The following ZNF462 variants were observed in gnomAD, a reference collection of about 807,000 sequenced individuals.
The protein encoded by ZNF462 is zinc finger PBX1-interacting protein.
Under a neutral mutation model 201.9 loss-of-function variants are expected in ZNF462, and 10 were observed. The observed-to-expected ratio is 0.05, with a 90% CI of 0.03 to 0.08. The LOEUF is 0.08. Among genes scored for constraint, ZNF462 ranks in the 10% least tolerant of loss-of-function variants. The pLI, the probability that ZNF462 is intolerant of heterozygous loss-of-function variation, is 1.00. For missense variants in ZNF462, 2,523 were observed against 3,168.3 expected (o/e 0.80, Z 4.89); for synonymous variants, 1,227 against 1,193.3 (o/e 1.03, Z -0.58).
Position 106,919,672 on chromosome 9 carries a change from CTAAAGGCAGTGACTAAT to C in ZNF462, c.-30-3679_-30-3663del, listed in dbSNP as rs1829911397. 6.6e-6 allele frequency among the ~76,000 whole-genome samples: 1 copy of C among 152,136 alleles called. No individual in the cohort carries two copies. Among genetic ancestry groups the C allele is most frequent in the Non-Finnish European group, 1.5e-5 (1 of 68,014 alleles). On this transcript the variant is annotated intron_variant, in intron 1 of 12. Coordinates refer to ENST00000277225, the MANE Select transcript of ZNF462 (RefSeq NM_021224.6). The surrounding 1 kb of genome is among the most constrained non-coding windows in gnomAD (Gnocchi z 4.5). ...ACAAACCAGCAACGAATAAGTAGTA[CTAAAGGCAGTGACTAAT>C]TAGGATGGTTTAGGGGTTTCATGTT...
chr9:106,882,600 A>G (rs1828148288), intron 1 of ZNF462, among the ~76,000 whole-genome samples: 1 of 152,252 alleles, frequency 6.6e-6, no homozygotes, highest in Admixed American at 6.5e-5. Flanking sequence ...CTTTTGAAAG[A>G]TACTAATGTG....
In ZNF462 at chr9:106,970,523, C is replaced by T. The variant is rs1423307504; in HGVS notation, c.6428-1482C>T. On this transcript the variant is annotated intron_variant, in intron 7 of 12. Coordinates refer to ENST00000277225, the MANE Select transcript of ZNF462 (RefSeq NM_021224.6). This position sits in a 1 kb window ranked among gnomAD's most constrained non-coding sequence, Gnocchi z 4.2. ...CCATGTCCTGCCTTAGGGAATTATG[C>T]TTTGGAAAATTAAGTGTCCATCAAA... 1.3e-5 allele frequency among the ~76,000 whole-genome samples: 2 copies of T among 152,278 alleles called. No individual in the cohort carries two copies. Among genetic ancestry groups the T allele is most frequent in the African/African-American group, 2.4e-5 (1 of 41,566 alleles).
intron 1 of ZNF462, 62 bp downstream of exon 1, chr9:106,863,417 G>C (rs142493356): frequency 2.3e-5 from 9 of 390,942 alleles, no homozygotes; most frequent in Non-Finnish European, 3.2e-5. Context: ...AAGAGAGCGC[G>C]GGGTGGTGGA....
At position 106,974,538 on chromosome 9, in the gene ZNF462, T is replaced by C. The variant is rs1198400974; in HGVS notation, c.6832+265T>C. On this transcript the variant is annotated intron_variant, in intron 9 of 12. Coordinates refer to ENST00000277225, the MANE Select transcript of ZNF462 (RefSeq NM_021224.6). This position sits in a 1 kb window ranked among gnomAD's most constrained non-coding sequence, Gnocchi z 4.0. ...CGTAGGGCTTCCCAGCATGGGGGAT[T>C]TGTACATTCTGACAATTCTGCCACC... is the stretch of plus-strand genomic sequence containing the variant. 3.9e-6 allele frequency: 2 copies of C among 514,158 alleles called. No homozygotes were observed. The highest frequency in any genetic ancestry group is 7.1e-6 in the Non-Finnish European group (2 of 282,578). 31.8% of individuals were successfully genotyped at this position (514,158 alleles called of 1,614,324 possible).
chr9:106,962,051 T>G lies in ZNF462; in HGVS notation c.6428-9954T>G, dbSNP rs1052198210. Among the ~76,000 whole-genome samples, 1 of 151,990 alleles carries G rather than the reference T, an allele frequency of 6.6e-6. No individual in the cohort carries two copies. Among genetic ancestry groups the G allele is most frequent in the African/African-American group, 2.4e-5 (1 of 41,396 alleles). ...TGAAGGAGAGTGTGAGCCCCATGGT[T>G]CAGAGTTTGGGCTTTTTTCTGTAAG... On this transcript the variant is annotated intron_variant, in intron 7 of 12. Transcript: ENST00000277225. This position sits in a 1 kb window ranked among gnomAD's most constrained non-coding sequence, Gnocchi z 4.6.
Position 106,925,627 on chromosome 9 carries a change from A to T in ZNF462, c.1715A>T (p.His572Leu), listed in dbSNP as rs1332011343. The T allele has an allele frequency of 6.2e-7, 1 of 1,613,358 alleles. No individual in the cohort carries two copies. Among genetic ancestry groups the T allele is most frequent in the South Asian group, 1.1e-5 (1 of 91,016 alleles). The change falls in exon 3 of 13, where the codon CAT (histidine) becomes CTT (leucine). Residue 572 changes from histidine (H) to leucine (L), a missense_variant. By Grantham distance (99) the His-to-Leu change is moderately conservative. Around this residue, in one of 15 missense-constraint regions of ZNF462, gnomAD observed 383 missense variants for 453.4 expected, o/e 0.84. Transcript: ENST00000277225. The surrounding 1 kb of genome is among the most constrained non-coding windows in gnomAD (Gnocchi z 7.9). ...CAGCCACCACAGCTGCAGCCACCACATCAGGTGCCACCCCAGCCACAAACA... is the reference window on the plus strand; with the variant it reads ...CAGCCACCACAGCTGCAGCCACCACTTCAGGTGCCACCCCAGCCACAAACA... Reference protein sequence around the residue: ...QPQPPQLQPPHQVPPQPQTQP... With the variant: ...QPQPPQLQPPLQVPPQPQTQP...
rs1387501380 is a variant in ZNF462 at position 106,933,950 on chromosome 9, C to T, written c.6116+1401C>T. 1.3e-5 allele frequency among the ~76,000 whole-genome samples: 2 copies of T among 151,992 alleles called. No homozygotes were observed. The highest frequency in any genetic ancestry group is 1.3e-4 in the Admixed American group (2 of 15,262). ...GTAAAGGAATAGTGAAAGATAAGGT[C>T]TAAATACTTTAAAGGAGACCATATT... On this transcript the variant is annotated intron_variant, in intron 5 of 12. Transcript: ENST00000277225. This position sits in a 1 kb window ranked among gnomAD's most constrained non-coding sequence, Gnocchi z 4.3.
At chr9:106,915,082 C>G (rs967344453) in intron 1 of ZNF462, among the ~76,000 whole-genome samples, 1 of 151,986 alleles carries the variant, frequency 6.6e-6, no homozygotes, top group African/African-American at 2.4e-5. Context: ...AAAGTAAGGG[C>G]CTCAAAAGAC....
chr9:106,862,395 G>T (rs1003686980), upstream of ZNF462, among the ~76,000 whole-genome samples: 1 of 152,080 alleles, frequency 6.6e-6, no homozygotes, highest in Non-Finnish European at 1.5e-5. This position sits in a 1 kb window ranked among gnomAD's most constrained non-coding sequence, Gnocchi z 4.2. Flanking sequence ...GGTCCTCACC[G>T]GGGGCTTCCT....
chr9:106,925,290 A>G lies in ZNF462; in HGVS notation c.1378A>G (p.Asn460Asp). The change falls in exon 3 of 13, where the codon AAC becomes GAC. Residue 460 changes from asparagine (N) to aspartate (D), a missense_variant. By Grantham distance (23) the Asn-to-Asp change is conservative (BLOSUM62 1). Transcript: ENST00000277225. The surrounding 1 kb of genome is among the most constrained non-coding windows in gnomAD (Gnocchi z 7.9). ...ACGTAGCATCTCTCGTCACATAGAAAACATCCACTTATCTGGAAAGACAGC... is the reference window on the plus strand; with the variant it reads ...ACGTAGCATCTCTCGTCACATAGAAGACATCCACTTATCTGGAAAGACAGC... The part of the protein sequence containing the change: ...HRRSISRHIE[N>D]IHLSGKTAVY... 1 of 1,614,140 alleles carries G rather than the reference A, an allele frequency of 6.2e-7. No homozygotes were observed. The highest frequency in any genetic ancestry group is 8.5e-7 in the Non-Finnish European group (1 of 1,180,022).
Position 106,932,639 on chromosome 9 carries a change from G to A in ZNF462, c.6116+90G>A, listed in dbSNP as rs971722752. ...CTAAAGCAGAAGCTTGGATGAGTAA[G>A]AAGGCCCCACTCATGGTTCACACCT... On this transcript the variant is annotated intron_variant, in intron 5 of 12. Transcript: ENST00000277225. This position sits in a 1 kb window ranked among gnomAD's most constrained non-coding sequence, Gnocchi z 6.8. 3.9e-6 allele frequency: 6 copies of A among 1,542,150 alleles called. No homozygotes were observed. The highest frequency in any genetic ancestry group is 1.8e-5 in the Admixed American group (1 of 55,292).
Position 107,013,014 on chromosome 9 carries a change from A to G in ZNF462, c.*1984A>G, listed in dbSNP as rs1830010967. On this transcript the variant is annotated 3_prime_UTR_variant, in exon 13 of 13. Transcript: ENST00000277225. Reference sequence around the variant, plus strand: ...CCAGACAAAGATTCATTTTGTGTCTATATTTGTTTTTAATTGGCCTCATTT... The same window carrying G: ...CCAGACAAAGATTCATTTTGTGTCTGTATTTGTTTTTAATTGGCCTCATTT... The G allele has an allele frequency of 6.6e-6, 1 of 151,998 alleles. No individual in the cohort carries two copies. The highest frequency in any genetic ancestry group is 1.5e-5 in the Non-Finnish European group (1 of 67,998). The allele number at this position is 151,998 out of a possible 1,614,324, so 9.4% of individuals were successfully genotyped here. A position where few individuals can be genotyped will look rare whatever the true frequency, so the allele number is the denominator to read the frequency against.
At position 106,974,392 on chromosome 9, in the gene ZNF462, C is replaced by T. The variant is rs758902640; in HGVS notation, c.6832+119C>T. On this transcript the variant is annotated intron_variant, in intron 9 of 12. Transcript: ENST00000277225. The surrounding 1 kb of genome is among the most constrained non-coding windows in gnomAD (Gnocchi z 4.0). ...TGTGCCTTGTTCCTCACCTTATCTTCAGGCAAGAAACCACAGTGATAACCA... is the reference window on the plus strand; with the variant it reads ...TGTGCCTTGTTCCTCACCTTATCTTTAGGCAAGAAACCACAGTGATAACCA... The T allele has an allele frequency of 8.1e-6, 12 of 1,482,870 alleles. No homozygotes were observed. Among genetic ancestry groups the T allele is most frequent in the Non-Finnish European group, 1.9e-6 (2 of 1,062,322 alleles). 91.9% of individuals were successfully genotyped at this position (1,482,870 alleles called of 1,614,324 possible).
intron 7 of ZNF462, among the ~76,000 whole-genome samples, chr9:106,944,988 A>G (rs1405812095): frequency 6.6e-6 from 1 of 152,170 alleles, no homozygotes; most frequent in African/African-American, 2.4e-5. Context: ...ATAAAACTTT[A>G]TGTACAAAAA....
intron 1 of ZNF462, among the ~76,000 whole-genome samples, chr9:106,881,220 G>A (rs113596112): frequency 1.6e-4 from 24 of 152,298 alleles, no homozygotes; most frequent in African/African-American, 5.8e-4. Flanking sequence ...CACTAGGCTT[G>A]GAGATTATTA....
chr9:106,918,758 A>G (rs570920917), intron 1 of ZNF462, among the ~76,000 whole-genome samples: 2 of 152,308 alleles, frequency 1.3e-5, no homozygotes, highest in Admixed American at 6.5e-5. Context: ...AATGATCTTT[A>G]GTCTCTTGAT....
Position 106,968,998 on chromosome 9 carries a change from A to G in ZNF462, c.6428-3007A>G, listed in dbSNP as rs1004573383. Among the ~76,000 whole-genome samples the G allele has an allele frequency of 1.1e-4, 16 of 152,140 alleles. No homozygotes were observed. The highest frequency in any genetic ancestry group is 1.5e-5 in the Non-Finnish European group (1 of 68,022). ...AAGTGGGCTTTTTAAAGATCGGTGG[A>G]ATGATACACACTCATGTCTTTATCA... On this transcript the variant is annotated intron_variant, in intron 7 of 12. Coordinates refer to ENST00000277225, the MANE Select transcript of ZNF462 (RefSeq NM_021224.6). The surrounding 1 kb of genome is among the most constrained non-coding windows in gnomAD (Gnocchi z 4.0).
At chr9:106,936,129 C>T (rs1425261040) in intron 6 of ZNF462, among the ~76,000 whole-genome samples, 1 of 152,146 alleles carries the variant, frequency 6.6e-6, no homozygotes, top group Admixed American at 6.5e-5. Context: ...CTGTGCTGGT[C>T]TCTATCATAT....
chr9:106,862,434 G>A (rs556327080), upstream of ZNF462, among the ~76,000 whole-genome samples: 3 of 152,064 alleles, frequency 2.0e-5, no homozygotes, highest in South Asian at 2.1e-4. This position sits in a 1 kb window ranked among gnomAD's most constrained non-coding sequence, Gnocchi z 4.2. Flanking sequence ...GGGCGCCACC[G>A]GGACGCGAGC....
Sources: allele counts gnomAD v4.1 joint callset (sites outside exome capture counted in the v4.1 genomes callset), GRCh38; gene constraint gnomAD v4.1.1; regional missense constraint gnomAD v4.1.1; non-coding constraint Gnocchi (gnomAD v3.1); transcripts MANE v1.5; gene names NCBI Gene and HGNC (gene_info 2026-07-23, HGNC 2026-07-21).